The following ROBO2 variants were observed in gnomAD, a reference collection of about 807,000 sequenced individuals.
ROBO2 encodes the protein roundabout guidance receptor 2, also known as roundabout homolog 2.
ROBO2 carries 53 observed loss-of-function variants against 160.8 expected under a neutral mutation model. That is an observed-to-expected ratio of 0.33 (90% CI 0.26 to 0.41). ROBO2 has a LOEUF of 0.41. Ranked by LOEUF, ROBO2 falls within the 10% of genes least tolerant of loss-of-function variation. The pLI, the probability that ROBO2 is intolerant of heterozygous loss-of-function variation, is 1.00. For missense variants in ROBO2, 1,577 were observed against 1,722.4 expected, an observed-to-expected ratio of 0.92 and a Z score of 1.49; for synonymous variants, 664 against 611.7, an observed-to-expected ratio of 1.09 and a Z score of -1.26.
At chr3:77,477,366 TAA>T (rs2153585241) in intron 2 of ROBO2, 46 bp from the exon 3 acceptor site, 2 of 1,594,722 alleles carry the variant, frequency 1.3e-6, no homozygotes, top group East Asian at 4.5e-5. Flanking sequence ...ACAAAAAGCC[TAA>T]GTTACTGTCG....
rs903789003 is a variant in ROBO2, at chr3:77,312,061, C to T, written c.389-165353C>T. Among the ~76,000 whole-genome samples, 144 of 151,382 alleles carry T rather than the reference C, an allele frequency of 9.5e-4. 1 individual carries two copies. Among genetic ancestry groups the T allele is most frequent in the Non-Finnish European group, 8.8e-5 (6 of 67,862 alleles). On this transcript the variant is annotated intron_variant, in intron 2 of 25. Transcript: ENST00000461745. ...AGATCACCCCATTGCACTCCAGCCT[C>T]GGCGACACAGCGAGATTACATCTCA...
At chr3:77,179,515 A>T (rs2080491768) in intron 2 of ROBO2, among the ~76,000 whole-genome samples, 1 of 152,084 alleles carries the variant, frequency 6.6e-6, no homozygotes, top group African/African-American at 2.4e-5. Context: ...AAATGAAGAT[A>T]TTAGTACCAG....
At chr3:76,045,085 A>G (rs1290510193) in intron 2 of ROBO2, among the ~76,000 whole-genome samples, 2 of 152,004 alleles carry the variant, frequency 1.3e-5, no homozygotes, top group Admixed American at 6.5e-5. Context: ...ATTACCTGGG[A>G]GAGAATGTAA....
At chr3:76,810,162 G>A (rs1468036876) in intron 2 of ROBO2, among the ~76,000 whole-genome samples, 1 of 152,038 alleles carries the variant, frequency 6.6e-6, no homozygotes, top group Admixed American at 6.6e-5. Context: ...TGGAGAAAAT[G>A]ACCAGTGTTA....
At chr3:77,327,629 C>T (rs1452879747) in intron 2 of ROBO2, among the ~76,000 whole-genome samples, 5 of 152,160 alleles carry the variant, frequency 3.3e-5, no homozygotes, top group African/African-American at 1.2e-4. Context: ...GAAGTTATGA[C>T]TCCTTCAGCC....
chr3:77,630,956 A>AT (rs548290646), intron 23 of ROBO2: 166 of 149,338 alleles, frequency 1.1e-3, no homozygotes, highest in African/African-American at 3.8e-3. Context: ...AATTTCTTTG[A>AT]TTTTTTTCTT....
intron 2 of ROBO2, among the ~76,000 whole-genome samples, chr3:76,603,689 A>T (rs2087418160): frequency 6.6e-6 from 1 of 152,020 alleles, no homozygotes; most frequent in South Asian, 2.1e-4. Context: ...CAGTTATTCC[A>T]TCTGGAATGC....
intron 2 of ROBO2, among the ~76,000 whole-genome samples, chr3:76,304,799 T>A (rs1314853891): frequency 7.3e-6 from 1 of 136,248 alleles, no homozygotes; most frequent in Non-Finnish European, 1.6e-5. Context: ...TCTTTCTTTC[T>A]CTTTCTTTTT....
chr3:76,445,116 G>T (rs1053573086), intron 2 of ROBO2, among the ~76,000 whole-genome samples: 1 of 152,034 alleles, frequency 6.6e-6, no homozygotes, highest in African/African-American at 2.4e-5. Flanking sequence ...ACTAGCAAAA[G>T]AAGGGAAAGA....
intron 2 of ROBO2, among the ~76,000 whole-genome samples, chr3:76,717,563 G>A (rs1377766352): frequency 1.3e-5 from 2 of 152,116 alleles, no homozygotes; most frequent in East Asian, 1.9e-4. Flanking sequence ...GTAAATGTGA[G>A]TATTGTGTAT....
Position 76,272,848 on chromosome 3 carries a change from T to A in ROBO2, c.109+335246T>A, listed in dbSNP as rs1282092596. On this transcript the variant is annotated intron_variant, in intron 2 of 26. Transcript: ENST00000487694. The stretch of plus-strand genomic sequence containing the variant: ...TATATAAAATATATATATTATATAT[T>A]ATATATAAAATATATAAAATATATA... Among the ~76,000 whole-genome samples the A allele has an allele frequency of 8.5e-4, 37 of 43,568 alleles. 4 individuals are homozygous for A. Among genetic ancestry groups the A allele is most frequent in the Admixed American group, 3.2e-3 (8 of 2,484 alleles). 28.6% of individuals were successfully genotyped at this position (43,568 alleles called of 152,430 possible).
At chr3:76,706,468 C>T (rs1483588035) in intron 2 of ROBO2, among the ~76,000 whole-genome samples, 10 of 151,650 alleles carry the variant, frequency 6.6e-5, no homozygotes, top group Admixed American at 1.3e-4. Context: ...CTTTCTGCTC[C>T]CCCTGATCCC....
At chr3:76,849,113 G>A (rs1037778791) in intron 2 of ROBO2, among the ~76,000 whole-genome samples, 4 of 152,116 alleles carry the variant, frequency 2.6e-5, no homozygotes, top group African/African-American at 4.8e-5. Context: ...GATATTTACT[G>A]TTTTATTACG....
intron 2 of ROBO2, among the ~76,000 whole-genome samples, chr3:77,375,185 C>T (rs1427314925): frequency 6.6e-6 from 1 of 152,218 alleles, no homozygotes; most frequent in African/African-American, 2.4e-5. Context: ...GTACCCCAGC[C>T]TGGGAAACAG....
intron 2 of ROBO2, among the ~76,000 whole-genome samples, chr3:76,418,232 A>AGAGAGAGAGAGAGAGAGG (rs1216776521): frequency 4.8e-5 from 6 of 124,776 alleles, no homozygotes; most frequent in East Asian, 4.4e-4. Flanking sequence ...CCAAACAAAT[A>AGAGAGAGAGAGAGAGAGG]GAGAGAGAGA....
chr3:77,199,798 T>TG, intron 2 of ROBO2, among the ~76,000 whole-genome samples: 1 of 142,600 alleles, frequency 7.0e-6, no homozygotes, highest in African/African-American at 2.5e-5. Flanking sequence ...AATTTTTTTT[T>TG]TTGTTGTTTA....
chr3:76,362,800 G>A (rs1282066826), intron 2 of ROBO2, among the ~76,000 whole-genome samples: 2 of 151,982 alleles, frequency 1.3e-5, no homozygotes, highest in African/African-American at 4.8e-5. Flanking sequence ...TGTAGCCAGA[G>A]TGAGGAAGCG....
At chr3:76,816,603 A>G (rs2065687255) in intron 2 of ROBO2, among the ~76,000 whole-genome samples, 1 of 152,006 alleles carries the variant, frequency 6.6e-6, no homozygotes, top group Non-Finnish European at 1.5e-5. Flanking sequence ...GCCAACCATT[A>G]GCCTATTAAA....
intron 2 of ROBO2, among the ~76,000 whole-genome samples, chr3:76,402,695 G>C (rs2077906255): frequency 6.6e-6 from 1 of 151,566 alleles, no homozygotes; most frequent in South Asian, 2.1e-4. Context: ...GCTGTTCACT[G>C]TTTCTAGAAG....
Sources: gnomAD v4.1 joint callset for allele counts (sites outside exome capture counted in the v4.1 genomes callset) on GRCh38, gnomAD v4.1.1 for gene constraint, MANE v1.5 for transcripts, NCBI Gene and HGNC (gene_info 2026-07-23, HGNC 2026-07-21) for gene names.